The following SAXO1 variants were observed in gnomAD, a reference collection of about 807,000 sequenced individuals.
The protein encoded by SAXO1 is 4930500O09Rik.
Under a neutral mutation model 17.5 loss-of-function variants are expected in SAXO1, and 21 were observed. The observed-to-expected ratio is 1.20, with a 90% CI of 0.85 to 1.72. SAXO1 has a LOEUF of 1.72. SAXO1 is among the 40% of genes most tolerant of loss of function. The pLI is 0.00. For synonymous variants in SAXO1, 274 were observed against 216.5 expected (o/e 1.27, Z -2.33); for missense variants, 843 against 596.0 (o/e 1.41, Z -4.32).
At chr9:18,988,438 T>C (rs1037994137) in intron 1 of SAXO1, among the ~76,000 whole-genome samples, 3 of 152,210 alleles carry the variant, frequency 2.0e-5, no homozygotes, top group Non-Finnish European at 4.4e-5. Context: ...TGAGCAAAAG[T>C]GTTCCCAATT....
chr9:18,959,585 A>G (rs985252234), intron 1 of SAXO1, among the ~76,000 whole-genome samples: 1 of 152,146 alleles, frequency 6.6e-6, no homozygotes, highest in Non-Finnish European at 1.5e-5. Context: ...AGCCTGGCCA[A>G]TATGGTGAAA....
Position 19,018,013 on chromosome 9 carries a change from C to T in SAXO1, c.38+14858G>A, listed in dbSNP as rs142344154. On this transcript the variant is annotated intron_variant, in intron 1 of 3. Coordinates refer to ENST00000380534, the MANE Select transcript of SAXO1 (RefSeq NM_153707.4). ...CAAAATCTCATCTCTACAAAAAATA[C>T]AAAAATTAGTCGGGTGTGGTTGTAC... 2.9e-3 allele frequency among the ~76,000 whole-genome samples: 443 copies of T among 152,044 alleles called. 3 individuals are homozygous for T. The highest frequency in any genetic ancestry group is 0.01 in the African/African-American group (425 of 41,494).
intron 1 of SAXO1, among the ~76,000 whole-genome samples, chr9:18,999,464 G>A (rs1173655211): frequency 1.3e-5 from 2 of 151,936 alleles, no homozygotes; most frequent in Non-Finnish European, 2.9e-5. Flanking sequence ...CCACCATCTG[G>A]CAAGTGAGGA....
chr9:19,014,585 G>C (rs2130998574), intron 1 of SAXO1, among the ~76,000 whole-genome samples: 1 of 152,154 alleles, frequency 6.6e-6, no homozygotes, highest in Non-Finnish European at 1.5e-5. Context: ...CCAGATAGAG[G>C]AGTGAAAATA....
chr9:18,958,015 C>G (rs986453785), intron 1 of SAXO1, among the ~76,000 whole-genome samples: 1 of 152,202 alleles, frequency 6.6e-6, no homozygotes, highest in Non-Finnish European at 1.5e-5. Context: ...ATATCTCATA[C>G]TCCCTACCTA....
intron 1 of SAXO1, among the ~76,000 whole-genome samples, chr9:18,967,989 G>A (rs1163640360): frequency 6.6e-6 from 1 of 152,178 alleles, no homozygotes; most frequent in Non-Finnish European, 1.5e-5. Flanking sequence ...AGCCTCCGAT[G>A]GCTAAGTGAG....
At chr9:18,964,102 C>T (rs772364613) in intron 1 of SAXO1, among the ~76,000 whole-genome samples, 18 of 152,136 alleles carry the variant, frequency 1.2e-4, no homozygotes, top group African/African-American at 3.9e-4. Flanking sequence ...TAACCAACCT[C>T]GCATCCTAGG....
At chr9:19,015,173 G>A (rs896475670) in intron 1 of SAXO1, among the ~76,000 whole-genome samples, 1 of 152,028 alleles carries the variant, frequency 6.6e-6, no homozygotes, top group Non-Finnish European at 1.5e-5. Context: ...AAAAAGATTT[G>A]CAAGTCTTAA....
In SAXO1 at chr9:18,928,552, C is replaced by T. The variant is rs1465148500; in HGVS notation, c.925G>A (p.Ala309Thr). 2.5e-6 allele frequency: 4 copies of T among 1,613,904 alleles called. No individual in the cohort carries two copies. The African/African-American group carries it at 4.0e-5, about 16-fold the overall frequency. Reference sequence around the variant, plus strand: ...GCACCCTTAGGGCATGTGTAATGGGCCTGCACTGTTGTCAGAAGATCCATC... The same window carrying T: ...GCACCCTTAGGGCATGTGTAATGGGTCTGCACTGTTGTCAGAAGATCCATC... ...DRMDLLTTVQ[A>T]HYTCPKGAPA... The change falls in exon 4 of 4, where the codon GCC becomes ACC. Residue 309 changes from alanine (A) to threonine (T), a missense_variant. Coordinates refer to ENST00000380534, the MANE Select transcript of SAXO1 (RefSeq NM_153707.4).
chr9:18,928,430 G>C lies in SAXO1; in HGVS notation c.1047C>G (p.Ser349Arg), dbSNP rs139289465. 15 of 1,609,096 alleles carry C rather than the reference G, an allele frequency of 9.3e-6. No homozygotes were observed. Among genetic ancestry groups the C allele is most frequent in the Non-Finnish European group, 1.2e-5 (14 of 1,177,086 alleles). The part of the protein sequence containing the change: ...TTKDDYKQWS[S>R]MRTEPVKPVP... ...CGGGCTTGACTGGCTCTGTGCGCATGCTGGACCACTGCTTGTAGTCATCCT... is the reference window on the plus strand; with the variant it reads ...CGGGCTTGACTGGCTCTGTGCGCATCCTGGACCACTGCTTGTAGTCATCCT... The change falls in exon 4 of 4, where the codon AGC becomes AGG. Residue 349 changes from serine to arginine, a missense_variant. Transcript: ENST00000380534.
intron 1 of SAXO1, among the ~76,000 whole-genome samples, chr9:19,006,870 C>T (rs1343572632): frequency 6.6e-6 from 1 of 151,792 alleles, no homozygotes; most frequent in African/African-American, 2.4e-5. Context: ...AATGGTGAAA[C>T]CCCGTCTCTA....
At chr9:18,975,213 GGGAAGCAGGGAGA>G (rs1488594065) in intron 1 of SAXO1, among the ~76,000 whole-genome samples, 3 of 6,992 alleles carry the variant, frequency 4.3e-4, no homozygotes, top group African/African-American at 1.5e-3. Context: ...CTGCAGGCTG[GGGAAGCAGGGAGA>G]GTGCAGGCTG....
intron 1 of SAXO1, among the ~76,000 whole-genome samples, chr9:18,958,775 C>T (rs73429211): frequency 0.02 from 3,057 of 152,116 alleles, 99 homozygotes; most frequent in African/African-American, 0.069. Context: ...TGTCTCCAGG[C>T]TGTTGAACAT....
At chr9:19,010,845 T>A in intron 1 of SAXO1, among the ~76,000 whole-genome samples, 1 of 152,192 alleles carries the variant, frequency 6.6e-6, no homozygotes, top group Non-Finnish European at 1.5e-5. Context: ...GGAAACCTTT[T>A]ATTAGACCCA....
chr9:19,038,124 T>C (rs994602379), upstream of SAXO1, among the ~76,000 whole-genome samples: 1 of 152,146 alleles, frequency 6.6e-6, no homozygotes, highest in South Asian at 2.1e-4. Flanking sequence ...CCGGAGAGGA[T>C]GTGGAGAAAC....
chr9:18,954,556 C>T (rs974782657), intron 1 of SAXO1, among the ~76,000 whole-genome samples: 8 of 152,084 alleles, frequency 5.3e-5, no homozygotes, highest in Admixed American at 4.6e-4. Context: ...AAGCTGGTAT[C>T]GAACTCCTGA....
At chr9:18,972,015 G>GA in intron 1 of SAXO1, among the ~76,000 whole-genome samples, 1 of 152,240 alleles carries the variant, frequency 6.6e-6, no homozygotes, top group Non-Finnish European at 1.5e-5. Flanking sequence ...AACCACGCTG[G>GA]AAAAATTGTA....
intron 2 of SAXO1, among the ~76,000 whole-genome samples, chr9:18,947,175 T>C (rs1387075924): frequency 6.6e-6 from 1 of 152,232 alleles, no homozygotes; most frequent in Non-Finnish European, 1.5e-5. Context: ...GGAGGCTAAG[T>C]ATATGCCCAG....
At chr9:18,958,493 A>G (rs1832345488) in intron 1 of SAXO1, among the ~76,000 whole-genome samples, 1 of 152,108 alleles carries the variant, frequency 6.6e-6, no homozygotes, top group Non-Finnish European at 1.5e-5. Context: ...ATTGGATAAC[A>G]GAAAGCAGGG....
Sources: gnomAD v4.1 joint callset for allele counts (sites outside exome capture counted in the v4.1 genomes callset) on GRCh38, gnomAD v4.1.1 for gene constraint, MANE v1.5 for transcripts, NCBI Gene and HGNC (gene_info 2026-07-23, HGNC 2026-07-21) for gene names.